The following DAB1 variants were observed in gnomAD, a reference collection of about 807,000 sequenced individuals.
DAB1 encodes the protein DAB adaptor protein 1, also known as disabled homolog 1.
DAB1 carries 15 observed loss-of-function variants against 64.6 expected under a neutral mutation model. That is an observed-to-expected ratio of 0.23 (90% CI 0.16 to 0.36). DAB1 has a LOEUF of 0.36. DAB1 is among the 10% of genes least tolerant of loss of function. The pLI is 1.00. For missense variants in DAB1, 596 were observed against 706.7 expected (o/e 0.84, Z 1.78); for synonymous variants, 235 against 251.9 (o/e 0.93, Z 0.64).
At chr1:57,276,114 C>A (rs1362587977) in intron 2 of DAB1, among the ~76,000 whole-genome samples, 1 of 152,190 alleles carries the variant, frequency 6.6e-6, no homozygotes, top group African/African-American at 2.4e-5. Flanking sequence ...GAATTAAATA[C>A]ACAGAAGGAT....
intron 3 of DAB1, among the ~76,000 whole-genome samples, chr1:58,403,126 G>GAT (rs1382095084): frequency 1.3e-5 from 2 of 152,108 alleles, no homozygotes; most frequent in African/African-American, 4.8e-5. Context: ...AAAACTTATA[G>GAT]AACAAACTTT....
intron 7 of DAB1, among the ~76,000 whole-genome samples, chr1:57,645,434 C>T (rs1283897119): frequency 1.3e-5 from 2 of 152,112 alleles, no homozygotes; most frequent in African/African-American, 2.4e-5. Flanking sequence ...TTCTCTGCCC[C>T]TAGGAATTTT....
chr1:58,264,819 A>C (rs1056763242), intron 4 of DAB1, among the ~76,000 whole-genome samples: 1 of 152,196 alleles, frequency 6.6e-6, no homozygotes, highest in Non-Finnish European at 1.5e-5. Flanking sequence ...CCCAGTGGCC[A>C]CCTCTATTCT....
At chr1:57,206,518 G>A (rs1230577298) in intron 2 of DAB1, among the ~76,000 whole-genome samples, 1 of 152,148 alleles carries the variant, frequency 6.6e-6, no homozygotes, top group Admixed American at 6.5e-5. Context: ...ATCTCAGGTC[G>A]CATGTGCCTC....
intron 5 of DAB1, among the ~76,000 whole-genome samples, chr1:58,106,197 A>C (rs145164360): frequency 6.8e-6 from 1 of 148,072 alleles, no homozygotes. Flanking sequence ...TCTTTCATAG[A>C]AACTGAGTCT....
At chr1:58,266,199 T>C (rs1274888155) in intron 4 of DAB1, among the ~76,000 whole-genome samples, 1 of 152,228 alleles carries the variant, frequency 6.6e-6, no homozygotes, top group African/African-American at 2.4e-5. Flanking sequence ...CTGATGCTAT[T>C]GTATCCACCT....
chr1:57,349,347 G>T (rs1405976714), intron 1 of DAB1, among the ~76,000 whole-genome samples: 4 of 152,128 alleles, frequency 2.6e-5, no homozygotes, highest in African/African-American at 2.4e-5. Flanking sequence ...GGTAAGAAGA[G>T]ATTTTTTTGG....
chr1:57,466,808 C>A (rs1260855903), intron 7 of DAB1, among the ~76,000 whole-genome samples: 1 of 152,172 alleles, frequency 6.6e-6, no homozygotes, highest in Admixed American at 6.5e-5. Context: ...CTACTGTCAA[C>A]CCCTAATGCT....
chr1:58,240,648 A>G (rs766368973), intron 4 of DAB1, among the ~76,000 whole-genome samples: 14 of 152,212 alleles, frequency 9.2e-5, no homozygotes, highest in Non-Finnish European at 1.8e-4. Context: ...TCACTTTCCC[A>G]GAATATAGTT....
At chr1:57,133,802 C>T (rs949942560) in intron 4 of DAB1, among the ~76,000 whole-genome samples, 2 of 152,234 alleles carry the variant, frequency 1.3e-5, no homozygotes, top group South Asian at 2.1e-4. Context: ...ACAACTAAGA[C>T]TGTCATTCCA....
intron 7 of DAB1, among the ~76,000 whole-genome samples, chr1:57,633,149 TG>T (rs1201553239): frequency 6.6e-6 from 1 of 152,228 alleles, no homozygotes; most frequent in African/African-American, 2.4e-5. Flanking sequence ...TCACTTTAGT[TG>T]TGGCTTGATG....
chr1:58,066,761 G>C (rs529833004), intron 5 of DAB1, among the ~76,000 whole-genome samples: 1 of 152,246 alleles, frequency 6.6e-6, no homozygotes, highest in Admixed American at 6.5e-5. Context: ...TCCAGCTCCA[G>C]GTGCAAGAGT....
chr1:57,459,201 T>C (rs891785632), intron 7 of DAB1, among the ~76,000 whole-genome samples: 1 of 152,178 alleles, frequency 6.6e-6, no homozygotes, highest in Non-Finnish European at 1.5e-5. Flanking sequence ...CTCCATGTTT[T>C]TCACTTAATT....
intron 1 of DAB1, among the ~76,000 whole-genome samples, chr1:57,345,663 C>T (rs1048990813): frequency 6.6e-6 from 1 of 152,128 alleles, no homozygotes; most frequent in South Asian, 2.1e-4. Flanking sequence ...ATTTTAATAA[C>T]GGCAGTTCAA....
intron 5 of DAB1, among the ~76,000 whole-genome samples, chr1:58,006,835 G>T (rs1274955537): frequency 6.6e-6 from 1 of 152,174 alleles, no homozygotes; most frequent in Non-Finnish European, 1.5e-5. Flanking sequence ...TTCTGAAAGG[G>T]AACAGTGAAT....
chr1:58,216,217 C>A (rs1226125384), intron 4 of DAB1, among the ~76,000 whole-genome samples: 4 of 151,800 alleles, frequency 2.6e-5, no homozygotes, highest in Non-Finnish European at 2.9e-5. Context: ...GTGTGATGTT[C>A]CCCCGACTGT....
At chr1:58,304,149 A>G (rs1252987217) in intron 4 of DAB1, among the ~76,000 whole-genome samples, 1 of 152,182 alleles carries the variant, frequency 6.6e-6, no homozygotes, top group Non-Finnish European at 1.5e-5. Flanking sequence ...GTCAGGAATC[A>G]TATCAAATAT....
At chr1:57,789,948 G>A (rs1035692682) in intron 6 of DAB1, among the ~76,000 whole-genome samples, 4 of 152,128 alleles carry the variant, frequency 2.6e-5, no homozygotes, top group Non-Finnish European at 4.4e-5. Context: ...GTACCACACT[G>A]AGCCCTGTCA....
At chr1:57,004,910 G>A (rs1446177048) in intron 14 of DAB1, among the ~76,000 whole-genome samples, 1 of 152,104 alleles carries the variant, frequency 6.6e-6, no homozygotes. Flanking sequence ...TACCTCATGG[G>A]ACTGTGACAA....
Sources: allele counts gnomAD v4.1 joint callset (sites outside exome capture counted in the v4.1 genomes callset), GRCh38; gene constraint gnomAD v4.1.1; transcripts MANE v1.5; gene names NCBI Gene and HGNC (gene_info 2026-07-23, HGNC 2026-07-21).